Variants in PER2 observed in about 807,000 individuals in gnomAD.
The protein encoded by PER2 is period circadian regulator 2.
Under a neutral mutation model 121.0 loss-of-function variants are expected in PER2, and 66 were observed. That is an observed-to-expected ratio of 0.55 (90% CI 0.45 to 0.67). The LOEUF (loss-of-function observed/expected upper bound fraction) is 0.67, where lower values mean the gene tolerates loss of function less well. Ranked by LOEUF, PER2 falls within the 30% of genes least tolerant of loss-of-function variation. The probability of loss-of-function intolerance (pLI) is 0.00; values close to 1 mark genes in which losing one functional copy is unlikely to be tolerated. For synonymous variants in PER2, 684 were observed against 659.9 expected (o/e 1.04, Z -0.56); for missense variants, 1,521 against 1,635.0 (o/e 0.93, Z 1.20).
intron 9 of PER2, 118 bp from the exon 10 acceptor site, chr2:238,263,176 C>T: frequency 2.8e-6 from 2 of 714,240 alleles, no homozygotes; most frequent in Non-Finnish European, 2.5e-6. Context: ...CCCCCTCCCC[C>T]ACCCCCGGAG....
At position 238,259,987 on chromosome 2, in the gene PER2, T is replaced by G. The variant is rs1349921070; in HGVS notation, c.1609A>C (p.Lys537Gln). 2.0e-6 allele frequency: 3 copies of G among 1,475,994 alleles called. No homozygotes were observed. The South Asian group carries it at 3.5e-5, about 17-fold the overall frequency. 91.4% of individuals were successfully genotyped at this position (1,475,994 alleles called of 1,614,324 possible). Residue 537 changes from lysine (K) to glutamine (Q), a missense_variant, in exon 14 of 23, where the codon AAG (lysine) becomes CAG (glutamine). Lys to Gln is a moderately conservative substitution (Grantham distance 53). Transcript: ENST00000254657. ...SHYSHESGEQ[K>Q]KKSVTEMQTN... ...TTTTTACCTGTAACGGATTTTTTCTTTTGTTCTCCAGATTCATGAGAATAA... is the reference window on the plus strand; with the variant it reads ...TTTTTACCTGTAACGGATTTTTTCTGTTGTTCTCCAGATTCATGAGAATAA...
upstream of PER2, among the ~76,000 whole-genome samples, chr2:238,291,368 G>A (rs867159047): frequency 8.5e-5 from 13 of 152,250 alleles, no homozygotes; most frequent in Admixed American, 1.3e-4. Context: ...GCCCTTGCCA[G>A]TCCACTCACT....
chr2:238,249,259 G>GC (rs1484566655), intron 21 of PER2, 47 bp from the exon 22 acceptor site: 1 of 1,556,638 alleles, frequency 6.4e-7, no homozygotes, highest in South Asian at 1.1e-5. Context: ...TGTCTTAAGG[G>GC]TATCTATTTT....
Position 238,245,059 on chromosome 2 carries a change from A to G in PER2, c.*1316T>C, listed in dbSNP as rs1695410070. The G allele has an allele frequency of 1.3e-5, 2 of 150,058 alleles. No homozygotes were observed. The highest frequency in any genetic ancestry group is 3.0e-5 in the Non-Finnish European group (2 of 67,498). The allele number at this position is 150,058 out of a possible 1,614,324, so 9.3% of individuals were successfully genotyped here. A position where few individuals can be genotyped will look rare whatever the true frequency, so the allele number is the denominator to read the frequency against. ...ACTCCATCTAAAAAAAAAAAAAAAA[A>G]AAAAAAAAAAAGAAAACCCTGGTCC... On this transcript the variant is annotated 3_prime_UTR_variant, in exon 23 of 23. Transcript: ENST00000254657.
intron 1 of PER2, among the ~76,000 whole-genome samples, chr2:238,283,463 AG>A (rs1373850958): frequency 2.6e-5 from 4 of 152,222 alleles, no homozygotes; most frequent in Non-Finnish European, 5.9e-5. Flanking sequence ...GAGAGTGGAG[AG>A]TGAGCTACCA....
At chr2:238,271,271 C>T in intron 6 of PER2, 41 bp downstream of exon 6, 1 of 1,576,878 alleles carries the variant, frequency 6.3e-7, no homozygotes, top group Non-Finnish European at 8.7e-7. Flanking sequence ...GGCCCCTTTC[C>T]CGACCCCAGA....
intron 1 of PER2, among the ~76,000 whole-genome samples, chr2:238,279,679 C>T (rs1280782784): frequency 1.3e-5 from 2 of 152,190 alleles, no homozygotes; most frequent in African/African-American, 4.8e-5. Context: ...CTCCAGTTCC[C>T]ATCTAGCTCT....
At chr2:238,248,498 A>G (rs914804186) in intron 22 of PER2, among the ~76,000 whole-genome samples, 5 of 152,126 alleles carry the variant, frequency 3.3e-5, no homozygotes, top group Non-Finnish European at 7.4e-5. Context: ...TGTAAAATAG[A>G]AAACAGAATT....
chr2:238,277,343 A>T, intron 2 of PER2, 150 bp from the exon 3 acceptor site: 1 of 709,276 alleles, frequency 1.4e-6, no homozygotes, highest in Non-Finnish European at 2.5e-6. Flanking sequence ...CTGGAATATA[A>T]AACCTTCAGA....
upstream of PER2, among the ~76,000 whole-genome samples, chr2:238,291,501 G>A (rs1696949387): frequency 6.6e-6 from 1 of 152,252 alleles, no homozygotes; most frequent in South Asian, 2.1e-4. Flanking sequence ...TTGGCTAGCT[G>A]GAGGGCCAAA....
In PER2 at chr2:238,244,505, T is replaced by C. The variant is rs1228451194; in HGVS notation, c.*1870A>G. On this transcript the variant is annotated 3_prime_UTR_variant, in exon 23 of 23. Transcript: ENST00000254657. ...GTGTTTCGGTAACATAACTGTAACC[T>C]TAGATGAACACCTATCCCTTCATGA... 2 of 152,290 alleles carry C rather than the reference T, an allele frequency of 1.3e-5. No individual in the cohort carries two copies. The highest frequency in any genetic ancestry group is 6.5e-5 in the Admixed American group (1 of 15,290). The allele number at this position is 152,290 out of a possible 1,614,324, so 9.4% of individuals were successfully genotyped here. A position where few individuals can be genotyped will look rare whatever the true frequency, so the allele number is the denominator to read the frequency against.
At chr2:238,261,217 G>A (rs935896731) in intron 12 of PER2, among the ~76,000 whole-genome samples, 3 of 152,238 alleles carry the variant, frequency 2.0e-5, no homozygotes, top group Non-Finnish European at 4.4e-5. Flanking sequence ...ATCAACGCAT[G>A]GCTGCAGCCA....
Position 238,265,737 on chromosome 2 carries a change from C to T in PER2, c.968-147G>A, listed in dbSNP as rs1055931182. ...AAACATGGACTCTGAACAACAGAGA[C>T]TGCCACACTGAGAACCTTATGCTGG... On this transcript the variant is annotated intron_variant, in intron 8 of 22. Coordinates refer to ENST00000254657, the MANE Select transcript of PER2 (RefSeq NM_022817.3). 1.4e-5 allele frequency: 9 copies of T among 638,998 alleles called. No individual in the cohort carries two copies. The Admixed American group carries it at 2.0e-4, about 14-fold the overall frequency. The allele number at this position is 638,998 out of a possible 1,614,324, so 39.6% of individuals were successfully genotyped here.
Position 238,258,340 on chromosome 2 carries a change from G to A in PER2, c.1836C>T (p.Asn612=), listed in dbSNP as rs116369782. ...TATCACTGGACCTTAGCGCTGGGAC[G>A]TTTGCTGGGAACTCGCATTTCCTCT... The part of the protein sequence containing the change: ...TLKRKCEFPA[N]VPALRSSDKR... The change falls in exon 16 of 23, where the codon AAC becomes AAT. Residue 612 remains asparagine, a synonymous_variant. Coordinates refer to ENST00000254657, the MANE Select transcript of PER2 (RefSeq NM_022817.3). 7.4e-5 allele frequency: 120 copies of A among 1,614,178 alleles called. No homozygotes were observed. In the African/African-American group the frequency reaches 1.4e-3, roughly 18 times the overall value.
chr2:238,277,996 C>A, intron 1 of PER2, 41 bp from the exon 2 acceptor site: 5 of 1,589,234 alleles, frequency 3.1e-6, no homozygotes, highest in Non-Finnish European at 4.3e-6. Context: ...AACAAGCACA[C>A]GCACAAGGGG....
rs369060237 is a variant in PER2 at position 238,249,034 on chromosome 2, T to C, written c.3618+28A>G. On this transcript the variant is annotated intron_variant, in intron 22 of 22. Coordinates refer to ENST00000254657, the MANE Select transcript of PER2 (RefSeq NM_022817.3). Reference sequence around the variant, plus strand: ...CCCATCACAGAGCCTTTTAGGGCCATATCAGAAATCGAGTCCCGTGAGCTT... The same window carrying C: ...CCCATCACAGAGCCTTTTAGGGCCACATCAGAAATCGAGTCCCGTGAGCTT... 1.1e-5 allele frequency: 17 copies of C among 1,611,046 alleles called. No individual in the cohort carries two copies. The African/African-American group carries it at 2.0e-4, about 19-fold the overall frequency.
At position 238,244,326 on chromosome 2, in the gene PER2, G is replaced by A. The variant is rs1343146443; in HGVS notation, c.*2049C>T. ...CTAAAGAAAACATGACTTGATGCTTGGCATCACGTAAACAAATTCACAAGA... is the reference window on the plus strand; with the variant it reads ...CTAAAGAAAACATGACTTGATGCTTAGCATCACGTAAACAAATTCACAAGA... On this transcript the variant is annotated 3_prime_UTR_variant, in exon 23 of 23. Transcript: ENST00000254657. 1 of 152,600 alleles carries A rather than the reference G, an allele frequency of 6.6e-6. No homozygotes were observed. The highest frequency in any genetic ancestry group is 1.5e-5 in the Non-Finnish European group (1 of 68,042). The allele number at this position is 152,600 out of a possible 1,614,324, so 9.5% of individuals were successfully genotyped here.
chr2:238,258,224 C>T, intron 16 of PER2, 52 bp downstream of exon 16: 14 of 1,603,130 alleles, frequency 8.7e-6, no homozygotes, highest in Non-Finnish European at 1.2e-5. Flanking sequence ...TGACTCTACT[C>T]CAGAGGATTT....
chr2:238,289,538 C>T (rs930936015), upstream of PER2: 5 of 152,252 alleles, frequency 3.3e-5, no homozygotes, highest in African/African-American at 1.2e-4. Flanking sequence ...GATGTTGTCC[C>T]TGCCCCCAAG....
Sources: gnomAD v4.1 joint callset for allele counts (sites outside exome capture counted in the v4.1 genomes callset) on GRCh38, gnomAD v4.1.1 for gene constraint, MANE v1.5 for transcripts, NCBI Gene and HGNC (gene_info 2026-07-23, HGNC 2026-07-21) for gene names.